Variants in PUM1 observed in about 807,000 individuals in gnomAD.
The protein encoded by PUM1 is pumilio RNA binding family member 1, also known as pumilio homolog 1.
A neutral mutation model predicts 131.8 loss-of-function variants in PUM1; 13 were observed. That is an observed-to-expected ratio of 0.10 (90% CI 0.06 to 0.16). The LOEUF (loss-of-function observed/expected upper bound fraction) is 0.16. Among genes scored for constraint, PUM1 ranks in the 10% least tolerant of loss-of-function variants. PUM1 has a pLI of 1.00. For synonymous variants in PUM1, 509 were observed against 556.5 expected, an observed-to-expected ratio of 0.91 and a Z score of 1.20; for missense variants, 961 against 1,512.4, an observed-to-expected ratio of 0.64 and a Z score of 6.05.
At chr1:31,009,100 T>C (rs1375666278) in intron 3 of PUM1, among the ~76,000 whole-genome samples, 1 of 151,628 alleles carries the variant, frequency 6.6e-6, no homozygotes, top group African/African-American at 2.4e-5. Context: ...GGAGACTAGC[T>C]TGAACCCAGG....
chr1:31,007,796 T>C lies in PUM1; in HGVS notation c.433-694A>G, dbSNP rs114244164. On this transcript the variant is annotated intron_variant, in intron 3 of 21. Coordinates refer to ENST00000426105, the MANE Select transcript of PUM1 (RefSeq NM_001020658.2). ...CATGCTTCAGAGAAACAGGGATCGCTGGCCATAAGCCAACATGAGAAGTTT... is the reference window on the plus strand; with the variant it reads ...CATGCTTCAGAGAAACAGGGATCGCCGGCCATAAGCCAACATGAGAAGTTT... Among the ~76,000 whole-genome samples, 904 of 152,358 alleles carry C rather than the reference T, an allele frequency of 5.9e-3. 2 individuals are homozygous for C. Among genetic ancestry groups the C allele is most frequent in the Non-Finnish European group, 9.1e-3 (620 of 68,038 alleles).
intron 2 of PUM1, chr1:31,050,908 A>T: frequency 3.9e-6 from 1 of 256,586 alleles, no homozygotes; most frequent in Non-Finnish European, 8.4e-6. Flanking sequence ...CCACTCGCAA[A>T]AATTCAGCCA....
intron 2 of PUM1, among the ~76,000 whole-genome samples, chr1:31,050,489 AT>A (rs1644082669): frequency 6.6e-6 from 1 of 152,178 alleles, no homozygotes; most frequent in African/African-American, 2.4e-5. Context: ...AGAAAAAGTT[AT>A]AGTTGAAGAA....
chr1:31,064,034 A>G (rs1009006622), intron 1 of PUM1, among the ~76,000 whole-genome samples: 4 of 152,210 alleles, frequency 2.6e-5, no homozygotes, highest in African/African-American at 9.6e-5. Context: ...AAGTACTTTA[A>G]GCAACTAGAA....
intron 14 of PUM1, among the ~76,000 whole-genome samples, chr1:30,957,087 T>TATACACACACACAC (rs1553145748): frequency 1.2e-4 from 17 of 139,906 alleles, no homozygotes; most frequent in Non-Finnish European, 1.9e-4. Flanking sequence ...AGGACATTCA[T>TATACACACACACAC]ACACACACAC....
At chr1:30,984,850 CT>C (rs34410065) in intron 7 of PUM1, among the ~76,000 whole-genome samples, 2 of 151,262 alleles carry the variant, frequency 1.3e-5, no homozygotes, top group Non-Finnish European at 3.0e-5. Flanking sequence ...AAAATTATGG[CT>C]TTTTTTTTCT....
intron 20 of PUM1, among the ~76,000 whole-genome samples, chr1:30,938,536 A>C (rs560395684): frequency 2.7e-4 from 41 of 151,934 alleles, no homozygotes; most frequent in Admixed American, 9.8e-4. Flanking sequence ...TACAGGTATG[A>C]GCTACCGTCT....
At position 31,006,048 on chromosome 1, in the gene PUM1, C is replaced by A; in HGVS notation, c.542-17G>T. On this transcript the variant is annotated splice_polypyrimidine_tract_variant and intron_variant, in intron 4 of 21. Coordinates refer to ENST00000426105, the MANE Select transcript of PUM1 (RefSeq NM_001020658.2). ...CTGAATGATCTACAAAAAAGATACA[C>A]AAGCATGATACAGTGCAGCCAGAGG... is the stretch of plus-strand genomic sequence containing the variant. 6.3e-7 allele frequency: 1 copy of A among 1,589,680 alleles called. No individual in the cohort carries two copies. The highest frequency in any genetic ancestry group is 8.6e-7 in the Non-Finnish European group (1 of 1,167,562).
chr1:31,041,738 C>A (rs1643822436), intron 2 of PUM1, among the ~76,000 whole-genome samples: 1 of 152,142 alleles, frequency 6.6e-6, no homozygotes, highest in Admixed American at 6.5e-5. Flanking sequence ...TGAGGCCTCA[C>A]CAGCAGCAGA....
intron 17 of PUM1, among the ~76,000 whole-genome samples, chr1:30,949,804 C>T (rs1247619777): frequency 6.6e-6 from 1 of 151,978 alleles, no homozygotes; most frequent in Non-Finnish European, 1.5e-5. Flanking sequence ...GAAAGTTTGA[C>T]TTGTTGGAGA....
chr1:31,046,718 C>T (rs1457467074), intron 2 of PUM1, among the ~76,000 whole-genome samples: 1 of 152,002 alleles, frequency 6.6e-6, no homozygotes, highest in African/African-American at 2.4e-5. Context: ...GATCCACCCA[C>T]CTCCGTCTCC....
chr1:30,963,578 C>T (rs1199420670), intron 14 of PUM1, among the ~76,000 whole-genome samples: 1 of 152,198 alleles, frequency 6.6e-6, no homozygotes, highest in Non-Finnish European at 1.5e-5. Context: ...TATTACCCTA[C>T]CCACTTCAGA....
At chr1:30,956,422 C>A (rs1448668010) in intron 14 of PUM1, among the ~76,000 whole-genome samples, 1 of 152,090 alleles carries the variant, frequency 6.6e-6, no homozygotes, top group Non-Finnish European at 1.5e-5. Context: ...CACCACCACG[C>A]CCGGCTAATT....
chr1:31,008,203 TA>T (rs749435587), intron 3 of PUM1, among the ~76,000 whole-genome samples: 2 of 152,162 alleles, frequency 1.3e-5, no homozygotes, highest in Non-Finnish European at 2.9e-5. Context: ...GAAAAATAAT[TA>T]AACTCTGCTC....
chr1:31,053,154 G>A lies in PUM1; in HGVS notation c.363+6050C>T, dbSNP rs571082714. Among the ~76,000 whole-genome samples, 17 of 150,814 alleles carry A rather than the reference G, an allele frequency of 1.1e-4. No homozygotes were observed. The East Asian group carries it at 2.2e-3, about 19-fold the overall frequency. On this transcript the variant is annotated intron_variant, in intron 2 of 21. Transcript: ENST00000426105. ...CCTGAGTAGCTGGGATTACAGGCAC[G>A]TGCCACCACACCTGGCTAATTTTTG...
chr1:31,015,639 C>A (rs1235367078), intron 3 of PUM1, among the ~76,000 whole-genome samples: 2 of 151,068 alleles, frequency 1.3e-5, no homozygotes, highest in Non-Finnish European at 3.0e-5. Flanking sequence ...TCACGCCCAG[C>A]CACTTCAATG....
intron 3 of PUM1, among the ~76,000 whole-genome samples, chr1:31,025,340 C>T (rs1643181211): frequency 6.6e-6 from 1 of 152,128 alleles, no homozygotes; most frequent in South Asian, 2.1e-4. Flanking sequence ...TTGAATGGAA[C>T]CAATTCTATT....
At chr1:31,047,940 G>C (rs982806834) in intron 2 of PUM1, among the ~76,000 whole-genome samples, 1 of 149,670 alleles carries the variant, frequency 6.7e-6, no homozygotes, top group African/African-American at 2.5e-5. Flanking sequence ...GTGAGACTCC[G>C]CTAAAAAACT....
intron 7 of PUM1, among the ~76,000 whole-genome samples, chr1:30,986,704 A>G (rs1186641891): frequency 3.3e-5 from 5 of 152,218 alleles, no homozygotes; most frequent in Non-Finnish European, 7.3e-5. Flanking sequence ...AAACTTCACC[A>G]TAAGTAAAAT....
Sources: allele counts gnomAD v4.1 joint callset (sites outside exome capture counted in the v4.1 genomes callset), GRCh38; gene constraint gnomAD v4.1.1; transcripts MANE v1.5; gene names NCBI Gene and HGNC (gene_info 2026-07-23, HGNC 2026-07-21).